The following STON1 variants were observed in gnomAD, a reference collection of about 807,000 sequenced individuals.
The protein encoded by STON1 is stonin 1.
Under a neutral mutation model 60.9 loss-of-function variants are expected in STON1, and 79 were observed. The ratio of observed to expected loss-of-function variants is 1.30; its 90% CI spans 1.08 to 1.56. STON1 has a LOEUF of 1.56. Among genes scored for constraint, STON1 ranks in the 40% most tolerant of loss-of-function variants. The pLI is 0.00. For missense variants in STON1, 1,166 were observed against 858.9 expected (o/e 1.36, Z -4.47); for synonymous variants, 363 against 306.9 (o/e 1.18, Z -1.91).
intron 2 of STON1, among the ~76,000 whole-genome samples, chr2:48,584,461 T>A (rs553594806): frequency 3.3e-5 from 5 of 151,564 alleles, no homozygotes; most frequent in Non-Finnish European, 7.4e-5. Flanking sequence ...AGAGACGGGG[T>A]TTTCCCATGT....
intron 1 of STON1, among the ~76,000 whole-genome samples, chr2:48,565,965 C>A (rs1056927108): frequency 6.6e-6 from 1 of 152,160 alleles, no homozygotes. Context: ...CCACCCAACT[C>A]CAAATCTTCT....
At chr2:48,543,084 C>T (rs1446297504) in intron 1 of STON1, among the ~76,000 whole-genome samples, 2 of 150,822 alleles carry the variant, frequency 1.3e-5, no homozygotes, top group African/African-American at 2.4e-5. Context: ...AAGCGATTCT[C>T]CTGCTTCAGC....
intron 1 of STON1, among the ~76,000 whole-genome samples, chr2:48,562,056 C>T (rs12992870): frequency 0.34 from 51,212 of 151,896 alleles, 8,782 homozygotes; most frequent in East Asian, 0.4. Flanking sequence ...AAACGGGGTT[C>T]TACCACGTTG....
At chr2:48,563,857 C>T (rs1029655715) in intron 1 of STON1, among the ~76,000 whole-genome samples, 3 of 151,766 alleles carry the variant, frequency 2.0e-5, no homozygotes, top group African/African-American at 7.3e-5. Context: ...CCATGCCTGG[C>T]GAATTTTTTT....
At position 48,556,954 on chromosome 2, in the gene STON1, C is replaced by T. The variant is rs1362121362; in HGVS notation, c.-47-23633C>T. 7.8e-3 allele frequency among the ~76,000 whole-genome samples: 229 copies of T among 29,482 alleles called. 4 individuals carry two copies. The highest frequency in any genetic ancestry group is 0.032 in the African/African-American group (208 of 6,422). The allele number at this position is 29,482 out of a possible 152,430, so 19.3% of individuals were successfully genotyped here. On this transcript the variant is annotated intron_variant, in intron 1 of 3. Transcript: ENST00000404752. The stretch of plus-strand genomic sequence containing the variant: ...GGCGCCCCTCACCTCCCGGACGGGG[C>T]GGCTGGCCGGGCGGGGGGCTGACCC...
chr2:48,587,209 C>T (rs1674258113), intron 2 of STON1, among the ~76,000 whole-genome samples: 1 of 152,200 alleles, frequency 6.6e-6, no homozygotes, highest in Non-Finnish European at 1.5e-5. Flanking sequence ...GACGTGATCC[C>T]CTAGGCAGAG....
chr2:48,570,503 T>C (rs1012937551), intron 1 of STON1, among the ~76,000 whole-genome samples: 1 of 152,118 alleles, frequency 6.6e-6, no homozygotes, highest in African/African-American at 2.4e-5. Flanking sequence ...CTTCCCTAAA[T>C]ATGGGGAGTG....
At position 48,581,143 on chromosome 2, in the gene STON1, C is replaced by T. The variant is rs1180793332; in HGVS notation, c.510C>T (p.Leu170=). The T allele has an allele frequency of 6.4e-7, 1 of 1,569,502 alleles. No homozygotes were observed. Among genetic ancestry groups the T allele is most frequent in the Non-Finnish European group, 8.6e-7 (1 of 1,165,244 alleles). ...GCCTAGGATTCCAAAGTGATGATCT[C>T]CCCCAGTTTCAGTATTTTCGAGAGG... ...AESLGFQSDD[L]PQFQYFREDC... is the part of the protein sequence containing the mutation. The change falls in exon 2 of 4, where the codon CTC becomes CTT. Residue 170 remains leucine, a synonymous_variant. Coordinates refer to ENST00000404752, the MANE Select transcript of STON1 (RefSeq NM_006873.4).
At chr2:48,557,143 T>C (rs1328486308) in intron 1 of STON1, among the ~76,000 whole-genome samples, 4 of 87,516 alleles carry the variant, frequency 4.6e-5, no homozygotes, top group African/African-American at 8.8e-5. Context: ...CCAGATGGGG[T>C]GGCTGCCGGG....
chr2:48,562,474 C>T (rs1326220260), intron 1 of STON1, among the ~76,000 whole-genome samples: 1 of 152,174 alleles, frequency 6.6e-6, no homozygotes, highest in East Asian at 1.9e-4. Context: ...TTTAAAGTGC[C>T]TACTATGCAG....
At chr2:48,534,246 T>A (rs976622308) in intron 1 of STON1, among the ~76,000 whole-genome samples, 4 of 152,170 alleles carry the variant, frequency 2.6e-5, no homozygotes, top group African/African-American at 9.7e-5. Context: ...TAGCTAACAT[T>A]TACTGAGAAC....
At chr2:48,586,134 C>T (rs1192736591) in intron 2 of STON1, among the ~76,000 whole-genome samples, 1 of 152,244 alleles carries the variant, frequency 6.6e-6, no homozygotes, top group Non-Finnish European at 1.5e-5. Flanking sequence ...TACCAATCAT[C>T]TTTTCTAATT....
At chr2:48,578,581 C>CTTTTGTTTTTTTTTTT (rs1673677056) in intron 1 of STON1, among the ~76,000 whole-genome samples, 1 of 46,154 alleles carries the variant, frequency 2.2e-5, no homozygotes, top group Non-Finnish European at 3.5e-5. Flanking sequence ...CTCCTCCTTC[C>CTTTTGTTTTTTTTTTT]TTTTTTTTTT....
intron 1 of STON1, among the ~76,000 whole-genome samples, chr2:48,556,167 C>T (rs1467875835): frequency 8.3e-5 from 1 of 12,052 alleles, no homozygotes; most frequent in African/African-American, 3.0e-4. Flanking sequence ...CCGGGCGGGG[C>T]GCTGACCCCC....
At chr2:48,536,058 G>A (rs924177692) in intron 1 of STON1, among the ~76,000 whole-genome samples, 1 of 152,100 alleles carries the variant, frequency 6.6e-6, no homozygotes, top group Non-Finnish European at 1.5e-5. Context: ...CTGCACTCCA[G>A]CCTGGGTGAC....
At chr2:48,574,012 C>T (rs1673346978) in intron 1 of STON1, among the ~76,000 whole-genome samples, 3 of 152,124 alleles carry the variant, frequency 2.0e-5, no homozygotes. Flanking sequence ...TTTCCAGGGC[C>T]TGTGGGGAGG....
At chr2:48,535,350 T>C (rs1010542345) in intron 1 of STON1, among the ~76,000 whole-genome samples, 1 of 152,102 alleles carries the variant, frequency 6.6e-6, no homozygotes, top group Non-Finnish European at 1.5e-5. Flanking sequence ...ACTGATTGGG[T>C]GAGGTGGAAA....
At chr2:48,533,846 C>T (rs902578387) in intron 1 of STON1, among the ~76,000 whole-genome samples, 2 of 146,044 alleles carry the variant, frequency 1.4e-5, no homozygotes, top group East Asian at 2.1e-4. Flanking sequence ...CTCAGCTTAT[C>T]GCAACCTCCA....
At position 48,580,706 on chromosome 2, in the gene STON1, A is replaced by G. The variant is rs1558631280; in HGVS notation, c.73A>G (p.Lys25Glu). The part of the protein sequence containing the change: ...DPAVQSSQKS[K>E]NFPLENQGVC... ...TGCTGTTCAATCTTCTCAAAAGTCA[A>G]AGAATTTTCCTCTGGAGAATCAAGG... The change falls in exon 2 of 4, where the codon AAG (lysine) becomes GAG (glutamate). Residue 25 changes from lysine to glutamate, a missense_variant. By Grantham distance (56) the Lys-to-Glu change is moderately conservative (BLOSUM62 1). Transcript: ENST00000404752. 1 of 1,469,222 alleles carries G rather than the reference A, an allele frequency of 6.8e-7. No individual in the cohort carries two copies. The highest frequency in any genetic ancestry group is 2.5e-5 in the East Asian group (1 of 39,798). The allele number at this position is 1,469,222 out of a possible 1,614,324, so 91.0% of individuals were successfully genotyped here.
Sources: allele counts gnomAD v4.1 joint callset (sites outside exome capture counted in the v4.1 genomes callset), GRCh38; gene constraint gnomAD v4.1.1; transcripts MANE v1.5; gene names NCBI Gene and HGNC (gene_info 2026-07-23, HGNC 2026-07-21).